The following TRANK1 variants were observed in gnomAD, a reference collection of about 807,000 sequenced individuals.
The protein encoded by TRANK1 is TPR and ankyrin repeat-containing protein 1.
In TRANK1, 198 loss-of-function variants were observed where a neutral mutation model predicts 266.0. The observed-to-expected ratio is 0.74, with a 90% CI of 0.66 to 0.84. TRANK1 has a LOEUF of 0.84. Among genes scored for constraint, TRANK1 ranks in the 40% least tolerant of loss-of-function variants. The pLI is 0.00. For synonymous variants in TRANK1, 1,396 were observed against 1,384.1 expected (o/e 1.01, Z -0.19); for missense variants, 3,326 against 3,634.6 (o/e 0.92, Z 2.18).
Position 36,864,416 on chromosome 3 carries a change from C to T in TRANK1, c.1143G>A (p.Leu381=), listed in dbSNP as rs1210527188. ...GGTTTCCTGAGTTCATATACTTCAC[C>T]AGCTGCTCCAAGACCTTCCTGAAAA... The part of the protein sequence containing the change: ...NDIFRKVLEQ[L]VKYMNSGNRL... Residue 381 remains leucine, a synonymous_variant, in exon 10 of 24, where the codon CTG becomes CTA. Transcript: ENST00000645898. The T allele has an allele frequency of 1.3e-6, 2 of 1,536,766 alleles. No individual in the cohort carries two copies. The highest frequency in any genetic ancestry group is 1.4e-5 in the African/African-American group (1 of 73,098).
Position 36,831,277 on chromosome 3 carries a change from C to A in TRANK1, c.8306G>T (p.Cys2769Phe). The A allele has an allele frequency of 6.2e-7, 1 of 1,613,400 alleles. No homozygotes were observed. Among genetic ancestry groups the A allele is most frequent in the Non-Finnish European group, 8.5e-7 (1 of 1,179,882 alleles). ...GGTAAACTTCACTCCACATAGGTCA[C>A]ACTGGGTCCTGTCCACGTCTGCCTT... ...FKKADVDRTQ[C>F]DLCGVKFTRG... The change falls in exon 22 of 24, where the codon TGT becomes TTT. Residue 2769 changes from cysteine (C) to phenylalanine (F), a missense_variant. Physicochemically the swap from Cys to Phe is radical, Grantham distance 205. Transcript: ENST00000645898. The surrounding 1 kb of genome is among the most constrained non-coding windows in gnomAD (Gnocchi z 5.0).
intron 8 of TRANK1, among the ~76,000 whole-genome samples, chr3:36,881,124 T>C (rs2079525740): frequency 6.6e-6 from 1 of 151,996 alleles, no homozygotes; most frequent in Non-Finnish European, 1.5e-5. Context: ...TCCATTGAGA[T>C]ACAGCTCATA....
At chr3:36,942,684 T>TA (rs111391107) in intron 1 of TRANK1, among the ~76,000 whole-genome samples, 6,056 of 151,900 alleles carry the variant, frequency 0.04, 419 homozygotes, top group African/African-American at 0.14. Flanking sequence ...TACAGTATTC[T>TA]ATCACTCAAG....
Position 36,838,524 on chromosome 3 carries a change from A to T in TRANK1, c.5385-20T>A. On this transcript the variant is annotated intron_variant, in intron 19 of 23. Transcript: ENST00000645898. ...TTTTCCCTAGGGGAAGGAAAACAAA[A>T]TAATATTTCCACGGAACATTGACCC... The T allele has an allele frequency of 6.2e-7, 1 of 1,614,016 alleles. No individual in the cohort carries two copies. The highest frequency in any genetic ancestry group is 8.5e-7 in the Non-Finnish European group (1 of 1,179,890).
chr3:36,885,077 G>A (rs112499972), intron 8 of TRANK1, among the ~76,000 whole-genome samples: 346 of 152,248 alleles, frequency 2.3e-3, no homozygotes, highest in African/African-American at 8.1e-3. Flanking sequence ...AGTTTGAGAA[G>A]AAACAGGGTA....
rs1394624618 is a variant in TRANK1 at position 36,892,864 on chromosome 3, T to G, written c.636+37A>C. 4.8e-5 allele frequency: 30 copies of G among 630,720 alleles called. 2 individuals are homozygous for G. Among genetic ancestry groups the G allele is most frequent in the African/African-American group, 2.4e-4 (12 of 49,216 alleles). 39.1% of individuals were successfully genotyped at this position (630,720 alleles called of 1,614,324 possible). On this transcript the variant is annotated intron_variant, in intron 6 of 23. Transcript: ENST00000645898. ...AAACAAAACAAAACATATATATATATATATATAGATATATATAGATATATA... is the reference window on the plus strand; with the variant it reads ...AAACAAAACAAAACATATATATATAGATATATAGATATATATAGATATATA...
intron 1 of TRANK1, among the ~76,000 whole-genome samples, chr3:36,919,970 G>A (rs1575318022): frequency 6.6e-6 from 1 of 152,104 alleles, no homozygotes; most frequent in East Asian, 1.9e-4. Context: ...CAATATGCCA[G>A]GCCCATTGTA....
intron 1 of TRANK1, among the ~76,000 whole-genome samples, chr3:36,936,262 A>T (rs1311680098): frequency 6.6e-6 from 1 of 152,196 alleles, no homozygotes. Flanking sequence ...AAGTGGAAGG[A>T]TGGCTTGAGT....
chr3:36,891,520 T>G (rs2079695594), intron 7 of TRANK1, among the ~76,000 whole-genome samples: 1 of 152,234 alleles, frequency 6.6e-6, no homozygotes, highest in Non-Finnish European at 1.5e-5. Context: ...CTCGGCCCTT[T>G]CTGGCACTAA....
In TRANK1 at chr3:36,832,910, T is replaced by C. The variant is rs748293177; in HGVS notation, c.6673A>G (p.Lys2225Glu). ...CCGTTGATTGCCACCAAGTTCATTTTCGACTGAACTAAACACTTGGCTTCA... is the reference window on the plus strand; with the variant it reads ...CCGTTGATTGCCACCAAGTTCATTTCCGACTGAACTAAACACTTGGCTTCA... ...RCEAKCLVQSKMNLVAINGLL... is the reference protein window; with the variant it reads ...RCEAKCLVQSEMNLVAINGLL... Residue 2225 changes from lysine (K) to glutamate (E), a missense_variant, in exon 22 of 24, where the codon AAA becomes GAA. Coordinates refer to ENST00000645898, the MANE Select transcript of TRANK1 (RefSeq NM_001329998.2). 3 of 1,613,776 alleles carry C rather than the reference T, an allele frequency of 1.9e-6. No individual in the cohort carries two copies. Among genetic ancestry groups the C allele is most frequent in the Non-Finnish European group, 2.5e-6 (3 of 1,179,742 alleles).
chr3:36,840,385 C>T (rs989838483), intron 18 of TRANK1, among the ~76,000 whole-genome samples: 7 of 152,206 alleles, frequency 4.6e-5, no homozygotes, highest in African/African-American at 1.7e-4. Flanking sequence ...ACTTTCCAGA[C>T]CTACCCAAAC....
chr3:36,918,526 A>AAGGAAG (rs2080163291), intron 1 of TRANK1, among the ~76,000 whole-genome samples: 2 of 23,484 alleles, frequency 8.5e-5, no homozygotes, highest in African/African-American at 3.6e-4. Context: ...AAAGAAAGAA[A>AAGGAAG]GAAAGAAGGA....
At chr3:36,896,181 T>C (rs1248932274) in intron 4 of TRANK1, among the ~76,000 whole-genome samples, 2 of 152,196 alleles carry the variant, frequency 1.3e-5, no homozygotes, top group Admixed American at 1.3e-4. Context: ...CAAATGAAGA[T>C]AGGTTTCATG....
In TRANK1 at chr3:36,833,570, C is replaced by T. The variant is rs780680731; in HGVS notation, c.6013G>A (p.Asp2005Asn). Residue 2005 changes from aspartate (D) to asparagine (N), a missense_variant, in exon 22 of 24, where the codon GAC becomes AAC. By Grantham distance (23) the Asp-to-Asn change is conservative (BLOSUM62 1). Transcript: ENST00000645898. ...AGAATGTCCTTGGTGTGTTCTATGT[C>T]GGAATCCCTGGCCACATTGAGGCGG... ...AARLNVARDS[D>N]IEHTKDILRE... The T allele has an allele frequency of 1.2e-5, 19 of 1,613,904 alleles. No individual in the cohort carries two copies. Among genetic ancestry groups the T allele is most frequent in the East Asian group, 6.7e-5 (3 of 44,884 alleles).
intron 10 of TRANK1, among the ~76,000 whole-genome samples, chr3:36,861,922 G>T (rs996172875): frequency 8.6e-5 from 13 of 151,990 alleles, no homozygotes; most frequent in African/African-American, 3.1e-4. Flanking sequence ...AGCCAGGATG[G>T]TCTCGATCTC....
intron 1 of TRANK1, among the ~76,000 whole-genome samples, chr3:36,936,950 A>C (rs534574153): frequency 6.6e-6 from 1 of 152,260 alleles, no homozygotes; most frequent in East Asian, 1.9e-4. Context: ...AAAAATACAA[A>C]AATTAGCCAG....
intron 2 of TRANK1, 43 bp from the exon 3 acceptor site, chr3:36,903,318 A>G (rs1305600684): frequency 6.6e-7 from 1 of 1,522,940 alleles, no homozygotes; most frequent in Non-Finnish European, 8.8e-7. Flanking sequence ...CTGCAAATAC[A>G]GAAAACAGTC....
chr3:36,844,921 C>T (rs1306420820), intron 17 of TRANK1, among the ~76,000 whole-genome samples: 1 of 152,112 alleles, frequency 6.6e-6, no homozygotes, highest in Non-Finnish European at 1.5e-5. Context: ...GAGGAGACGA[C>T]TTGACAACTA....
chr3:36,864,266 T>C (rs1392295997), intron 10 of TRANK1, 53 bp downstream of exon 10: 1 of 1,441,444 alleles, frequency 6.9e-7, no homozygotes, highest in East Asian at 2.5e-5. Flanking sequence ...AGAAAAGAAT[T>C]TTAATGAACA....
Sources: allele counts gnomAD v4.1 joint callset (sites outside exome capture counted in the v4.1 genomes callset), GRCh38; gene constraint gnomAD v4.1.1; non-coding constraint Gnocchi (gnomAD v3.1); transcripts MANE v1.5; gene names NCBI Gene and HGNC (gene_info 2026-07-23, HGNC 2026-07-21).